Variants in NKAIN2 observed in about 807,000 individuals in gnomAD.
NKAIN2 encodes sodium/potassium transporting ATPase interacting 2.
In NKAIN2, 14 loss-of-function variants were observed where a neutral mutation model predicts 32.6. The observed-to-expected ratio is 0.43, with a 90% CI of 0.28 to 0.67. The LOEUF (loss-of-function observed/expected upper bound fraction) is 0.67. Among genes scored for constraint, NKAIN2 ranks in the 30% least tolerant of loss-of-function variants. The pLI, the probability that NKAIN2 is intolerant of heterozygous loss-of-function variation, is 0.17. For synonymous variants in NKAIN2, 80 were observed against 87.2 expected, an observed-to-expected ratio of 0.92 and a Z score of 0.46; for missense variants, 198 against 258.3, an observed-to-expected ratio of 0.77 and a Z score of 1.60.
At chr6:124,005,242 G>GAAACA (rs1262040565) in intron 1 of NKAIN2, among the ~76,000 whole-genome samples, 1 of 151,702 alleles carries the variant, frequency 6.6e-6, no homozygotes, top group Non-Finnish European at 1.5e-5. Flanking sequence ...AAAACAAAAC[G>GAAACA]AAACAAAACA....
intron 3 of NKAIN2, among the ~76,000 whole-genome samples, chr6:124,530,050 T>C (rs1779463827): frequency 6.6e-6 from 1 of 152,180 alleles, no homozygotes; most frequent in African/African-American, 2.4e-5. Context: ...AGATATGTAT[T>C]AGTGACAGTT....
intron 1 of NKAIN2, among the ~76,000 whole-genome samples, chr6:123,976,127 G>A (rs1241147443): frequency 6.6e-6 from 1 of 151,016 alleles, no homozygotes; most frequent in African/African-American, 2.4e-5. Context: ...CCCCAGCCAC[G>A]TGGAACTGTG....
chr6:124,174,922 G>C (rs560540559), intron 1 of NKAIN2, among the ~76,000 whole-genome samples: 2 of 152,094 alleles, frequency 1.3e-5, no homozygotes, highest in Admixed American at 1.3e-4. Flanking sequence ...CCACTTAAAT[G>C]TCACCACTTT....
chr6:124,712,077 G>T (rs950727029), intron 4 of NKAIN2, among the ~76,000 whole-genome samples: 1 of 151,644 alleles, frequency 6.6e-6, no homozygotes, highest in African/African-American at 2.4e-5. Flanking sequence ...ATACCCTGCC[G>T]TGTGAGGTGT....
intron 3 of NKAIN2, among the ~76,000 whole-genome samples, chr6:124,457,692 C>G (rs1776375546): frequency 6.6e-6 from 1 of 151,884 alleles, no homozygotes; most frequent in Non-Finnish European, 1.5e-5. Flanking sequence ...TATTAACACC[C>G]ATTTCCAACA....
chr6:124,295,853 C>T (rs2753158), intron 2 of NKAIN2, among the ~76,000 whole-genome samples: 25,975 of 151,994 alleles, frequency 0.17, 4,431 homozygotes, highest in African/African-American at 0.44. Flanking sequence ...AATCTGAACT[C>T]CCCTTTACTC....
At chr6:124,103,058 A>G (rs1019212066) in intron 1 of NKAIN2, among the ~76,000 whole-genome samples, 4 of 152,198 alleles carry the variant, frequency 2.6e-5, no homozygotes, top group Non-Finnish European at 5.9e-5. Context: ...CTAATTCCAT[A>G]TAAGTTTTTT....
At chr6:124,282,900 C>A (rs1795367244) in intron 1 of NKAIN2, 105 bp from the exon 2 acceptor site, 5 of 935,262 alleles carry the variant, frequency 5.3e-6, no homozygotes, top group Admixed American at 2.1e-5. Context: ...TATGGTAACA[C>A]AGTTATAAGT....
intron 3 of NKAIN2, among the ~76,000 whole-genome samples, chr6:124,405,823 A>G (rs1226039057): frequency 2.0e-5 from 3 of 152,220 alleles, no homozygotes; most frequent in Non-Finnish European, 4.4e-5. Flanking sequence ...ATTCGGAAAT[A>G]TAAGACAAAG....
intron 1 of NKAIN2, among the ~76,000 whole-genome samples, chr6:124,028,017 C>G (rs12202629): frequency 0.28 from 42,539 of 152,000 alleles, 7,531 homozygotes; most frequent in African/African-American, 0.5. Context: ...TTGGGTCTAA[C>G]ACTATAATGA....
At chr6:124,312,919 G>A (rs1361452934) in intron 2 of NKAIN2, among the ~76,000 whole-genome samples, 1 of 152,084 alleles carries the variant, frequency 6.6e-6, no homozygotes, top group African/African-American at 2.4e-5. Flanking sequence ...AAAGCGGGAG[G>A]AAATTAGAGT....
intron 1 of NKAIN2, among the ~76,000 whole-genome samples, chr6:124,076,604 TG>T (rs1411896270): frequency 1.3e-5 from 2 of 152,238 alleles, no homozygotes; most frequent in African/African-American, 4.8e-5. Context: ...TGATTCCAGT[TG>T]ATGTTTATAA....
At chr6:124,604,741 T>C (rs1410081623) in intron 3 of NKAIN2, among the ~76,000 whole-genome samples, 1 of 152,024 alleles carries the variant, frequency 6.6e-6, no homozygotes, top group Non-Finnish European at 1.5e-5. Flanking sequence ...AGCAATGAAA[T>C]CCACGCTCCC....
chr6:124,492,533 T>C (rs1777904956), intron 3 of NKAIN2, among the ~76,000 whole-genome samples: 1 of 151,900 alleles, frequency 6.6e-6, no homozygotes, highest in African/African-American at 2.4e-5. Context: ...AGATAATGGT[T>C]TTATTAGCAC....
At chr6:123,817,007 G>T (rs1193792516) in intron 1 of NKAIN2, among the ~76,000 whole-genome samples, 1 of 152,108 alleles carries the variant, frequency 6.6e-6, no homozygotes, top group African/African-American at 2.4e-5. Context: ...GAAAAAGATT[G>T]TTCTGGGGGT....
At chr6:124,340,255 A>C (rs929778036) in intron 2 of NKAIN2, among the ~76,000 whole-genome samples, 1 of 152,216 alleles carries the variant, frequency 6.6e-6, no homozygotes, top group Non-Finnish European at 1.5e-5. Flanking sequence ...CTTATTATTC[A>C]TCATTTTGAG....
chr6:124,526,886 T>A (rs995631082), intron 3 of NKAIN2, among the ~76,000 whole-genome samples: 2 of 152,154 alleles, frequency 1.3e-5, no homozygotes, highest in African/African-American at 4.8e-5. Context: ...AAACTGCCAA[T>A]ACAAGAGCCA....
At chr6:124,549,984 G>T (rs1215723215) in intron 3 of NKAIN2, among the ~76,000 whole-genome samples, 2 of 152,178 alleles carry the variant, frequency 1.3e-5, no homozygotes, top group African/African-American at 4.8e-5. Context: ...GATACTTTGA[G>T]ACCACGCAAG....
chr6:123,922,631 A>T (rs994451573), intron 1 of NKAIN2, among the ~76,000 whole-genome samples: 1 of 152,174 alleles, frequency 6.6e-6, no homozygotes, highest in African/African-American at 2.4e-5. Flanking sequence ...CAACAGTTAT[A>T]AAATATAGTG....
Sources: gnomAD v4.1 joint callset for allele counts (sites outside exome capture counted in the v4.1 genomes callset) on GRCh38, gnomAD v4.1.1 for gene constraint, MANE v1.5 for transcripts, NCBI Gene and HGNC (gene_info 2026-07-23, HGNC 2026-07-21) for gene names.